The following AKR1C2 variants were observed in gnomAD, a reference collection of about 807,000 sequenced individuals.
AKR1C2 encodes the protein aldo-keto reductase family 1 member C2.
AKR1C2 carries 27 observed loss-of-function variants against 39.8 expected under a neutral mutation model. The observed-to-expected ratio is 0.68, with a 90% CI of 0.50 to 0.93. The LOEUF is 0.93. Ranked by LOEUF, AKR1C2 falls within the 40% of genes least tolerant of loss-of-function variation. The pLI is 0.00. For synonymous variants in AKR1C2, 114 were observed against 137.9 expected (o/e 0.83, Z 1.22); for missense variants, 263 against 365.1 (o/e 0.72, Z 2.28).
At chr10:5,016,877 T>C (rs1166694481) in intron 1 of AKR1C2, among the ~76,000 whole-genome samples, 1 of 152,218 alleles carries the variant, frequency 6.6e-6, no homozygotes, top group Non-Finnish European at 1.5e-5. Flanking sequence ...CATCTCTTAG[T>C]CTCTGAGCAG....
chr10:5,015,417 C>T (rs532271218), intron 1 of AKR1C2, among the ~76,000 whole-genome samples: 1 of 152,296 alleles, frequency 6.6e-6, no homozygotes, highest in South Asian at 2.1e-4. Context: ...AGAAGACTGA[C>T]ATTGGATGTC....
chr10:5,004,094 A>T (rs1837350105), upstream of AKR1C2: 4 of 380,092 alleles, frequency 1.1e-5, no homozygotes, highest in East Asian at 2.0e-4. Flanking sequence ...GCTATTCCAG[A>T]TCTCTATATA....
intron 1 of AKR1C2, among the ~76,000 whole-genome samples, chr10:5,003,352 T>C (rs2131708723): frequency 6.6e-6 from 1 of 151,478 alleles, no homozygotes; most frequent in African/African-American, 2.4e-5. Flanking sequence ...AGTGATACTC[T>C]CCCAACAGAT....
At chr10:4,992,523 AAG>A (rs1343899097) in intron 7 of AKR1C2, among the ~76,000 whole-genome samples, 2 of 152,184 alleles carry the variant, frequency 1.3e-5, no homozygotes, top group Non-Finnish European at 2.9e-5. Flanking sequence ...AAATGAGAGA[AAG>A]AGAGTAAAAA....
chr10:5,009,837 T>G (rs1475786068), intron 1 of AKR1C2, among the ~76,000 whole-genome samples: 1 of 150,264 alleles, frequency 6.7e-6, no homozygotes, highest in African/African-American at 2.4e-5. Context: ...AGGAGGGACA[T>G]TGGACACTGA....
At chr10:4,999,134 G>A (rs1282456663) in intron 4 of AKR1C2, 66 bp downstream of exon 4, 26 of 1,362,934 alleles carry the variant, frequency 1.9e-5, no homozygotes, top group Non-Finnish European at 2.5e-5. Context: ...CTTGTACTAA[G>A]AAGATAGGAA....
chr10:5,016,993 A>C (rs1837655173), intron 1 of AKR1C2, among the ~76,000 whole-genome samples: 1 of 152,224 alleles, frequency 6.6e-6, no homozygotes, highest in Non-Finnish European at 1.5e-5. Context: ...GCTGGGGCTG[A>C]AGTGGCTGGT....
chr10:4,999,310 C>G (rs1554773560), intron 3 of AKR1C2, 33 bp from the exon 4 acceptor site: 2 of 1,522,738 alleles, frequency 1.3e-6, no homozygotes, highest in East Asian at 2.3e-5. Context: ...AGTGATGTCA[C>G]AAGTCAATTT....
At chr10:5,008,959 G>A (rs1248801956), upstream of AKR1C2, among the ~76,000 whole-genome samples, 2 of 152,216 alleles carry the variant, frequency 1.3e-5, no homozygotes, top group African/African-American at 4.8e-5. Context: ...GAGCCTCACA[G>A]AGGTTTGTGG....
At chr10:4,991,062 CCTT>C (rs1836823900) in intron 8 of AKR1C2, among the ~76,000 whole-genome samples, 1 of 151,138 alleles carries the variant, frequency 6.6e-6, no homozygotes, top group Non-Finnish European at 1.5e-5. Context: ...ATTTGAATGA[CCTT>C]CTATGAATCC....
intron 1 of AKR1C2, among the ~76,000 whole-genome samples, chr10:5,014,277 T>G (rs7073591): frequency 0.12 from 17,486 of 151,596 alleles, 1,133 homozygotes; most frequent in Non-Finnish European, 0.13. Flanking sequence ...TAGAAATTTA[T>G]TTTTCCAAAG....
In AKR1C2 at chr10:5,000,852, A is replaced by G. The variant is rs567366641; in HGVS notation, c.253-186T>C. ...TGATGAACTTTATAATATGTTGGAT[A>G]TATAGTTAGTACATATATTGAATGA... On this transcript the variant is annotated intron_variant, in intron 2 of 8. Coordinates refer to ENST00000380753, the MANE Select transcript of AKR1C2 (RefSeq NM_001393392.1). 1.3e-4 allele frequency among the ~76,000 whole-genome samples: 20 copies of G among 152,374 alleles called. No homozygotes were observed. In the South Asian group the frequency reaches 4.1e-3, roughly 32 times the overall value.
intron 4 of AKR1C2, among the ~76,000 whole-genome samples, 155 bp downstream of exon 4, chr10:4,999,045 C>T (rs1837164956): frequency 1.3e-5 from 2 of 152,168 alleles, no homozygotes; most frequent in African/African-American, 4.8e-5. Flanking sequence ...GTATGCCTGT[C>T]ATTTCTTTTT....
chr10:4,998,369 AT>A (rs1221406579), intron 5 of AKR1C2, among the ~76,000 whole-genome samples: 31 of 152,268 alleles, frequency 2.0e-4, no homozygotes, highest in Admixed American at 1.8e-3. Flanking sequence ...CTAATTGGCA[AT>A]CCTTGGACTT....
chr10:4,989,914 C>T lies in AKR1C2; in HGVS notation c.*82G>A. ...AGAGATTTAACCAGAGGCGATGTGTCCAGTCACCAGCATAGAGCCATCCTC... is the reference window on the plus strand; with the variant it reads ...AGAGATTTAACCAGAGGCGATGTGTTCAGTCACCAGCATAGAGCCATCCTC... On this transcript the variant is annotated 3_prime_UTR_variant, in exon 9 of 9. Coordinates refer to ENST00000380753, the MANE Select transcript of AKR1C2 (RefSeq NM_001393392.1). 1 of 1,476,228 alleles carries T rather than the reference C, an allele frequency of 6.8e-7. No homozygotes were observed. The highest frequency in any genetic ancestry group is 9.4e-7 in the Non-Finnish European group (1 of 1,069,042). The allele number at this position is 1,476,228 out of a possible 1,614,324, so 91.4% of individuals were successfully genotyped here.
intron 3 of AKR1C2, chr10:5,000,243 A>T: frequency 6.9e-7 from 1 of 1,447,884 alleles, no homozygotes; most frequent in Non-Finnish European, 9.1e-7. Flanking sequence ...ACATCCCAAG[A>T]GGTGAAATCA....
At chr10:4,991,352 G>A (rs765378776) in intron 8 of AKR1C2, among the ~76,000 whole-genome samples, 1 of 152,052 alleles carries the variant, frequency 6.6e-6, no homozygotes, top group African/African-American at 2.4e-5. Flanking sequence ...AAATTGACAG[G>A]ATCCAGCAAG....
chr10:5,003,642 T>A lies in AKR1C2; in HGVS notation c.84+110A>T. The A allele has an allele frequency of 6.0e-6, 7 of 1,165,984 alleles. No individual in the cohort carries two copies. The South Asian group carries it at 9.2e-5, about 15-fold the overall frequency. 72.2% of individuals were successfully genotyped at this position (1,165,984 alleles called of 1,614,324 possible). ...CGGCATTGCAGAACAAAGACTGACG[T>A]TTAAAGGGGAGTCATGCAGAGTAAC... On this transcript the variant is annotated intron_variant, in intron 1 of 8. Coordinates refer to ENST00000380753, the MANE Select transcript of AKR1C2 (RefSeq NM_001393392.1).
At chr10:5,013,148 G>T (rs1837557022) in intron 1 of AKR1C2, among the ~76,000 whole-genome samples, 2 of 152,078 alleles carry the variant, frequency 1.3e-5, no homozygotes, top group Non-Finnish European at 2.9e-5. Context: ...CATGGCATGA[G>T]TTTACCTATA....
Sources: gnomAD v4.1 joint callset for allele counts (sites outside exome capture counted in the v4.1 genomes callset) on GRCh38, gnomAD v4.1.1 for gene constraint, MANE v1.5 for transcripts, NCBI Gene and HGNC (gene_info 2026-07-23, HGNC 2026-07-21) for gene names.